RIMS2: variants seen among roughly 807,000 people sequenced by gnomAD.
RIMS2 encodes the protein regulating synaptic membrane exocytosis 2, also known as regulating synaptic membrane exocytosis protein 2.
RIMS2 carries 59 observed loss-of-function variants against 174.4 expected under a neutral mutation model. The ratio of observed to expected loss-of-function variants is 0.34; its 90% CI spans 0.27 to 0.42. RIMS2 has a LOEUF of 0.42. RIMS2 is among the 10% of genes least tolerant of loss of function. The pLI, the probability that RIMS2 is intolerant of heterozygous loss-of-function variation, is 1.00. For missense variants in RIMS2, 1,620 were observed against 1,666.3 expected, an observed-to-expected ratio of 0.97 and a Z score of 0.48; for synonymous variants, 606 against 572.5, an observed-to-expected ratio of 1.06 and a Z score of -0.84.
chr8:103,951,956 T>C (rs1308744268), intron 14 of RIMS2, among the ~76,000 whole-genome samples: 1 of 152,176 alleles, frequency 6.6e-6, no homozygotes, highest in East Asian at 1.9e-4. Flanking sequence ...AGTAGGCGGT[T>C]TCGACCTCAC....
chr8:104,177,960 A>G (rs1483454959), intron 19 of RIMS2, among the ~76,000 whole-genome samples: 1 of 152,118 alleles, frequency 6.6e-6, no homozygotes. Context: ...TTAATAAAGA[A>G]CTCTAATGAT....
chr8:103,795,438 T>TG (rs113172232), intron 3 of RIMS2, among the ~76,000 whole-genome samples: 1,520 of 31,630 alleles, frequency 0.048, 42 homozygotes, highest in African/African-American at 0.16. Flanking sequence ...TGTTGTGGGG[T>TG]GGGGGGAGGC....
At chr8:103,997,659 A>G (rs2095184063) in intron 17 of RIMS2, among the ~76,000 whole-genome samples, 1 of 151,814 alleles carries the variant, frequency 6.6e-6, no homozygotes, top group South Asian at 2.1e-4. Context: ...GCACCCAATA[A>G]ATTTAATAAA....
chr8:103,841,583 C>G (rs1338261008), intron 3 of RIMS2, among the ~76,000 whole-genome samples: 1 of 152,046 alleles, frequency 6.6e-6, no homozygotes. Context: ...ATCAGCTAGA[C>G]ATTTTACTCC....
chr8:104,105,911 G>A (rs964340818), intron 19 of RIMS2, among the ~76,000 whole-genome samples: 42 of 151,446 alleles, frequency 2.8e-4, no homozygotes, highest in Non-Finnish European at 1.2e-4. Context: ...ATGGTGGCAC[G>A]CACCAGTAGT....
rs1451355308 is a variant in RIMS2 at position 104,213,260 on chromosome 8, G to A, written c.3335-31656G>A. Among the ~76,000 whole-genome samples the A allele has an allele frequency of 5.3e-5, 8 of 152,142 alleles. No homozygotes were observed. The East Asian group carries it at 1.2e-3, about 22-fold the overall frequency. ...TGGAAGGCAGAGGTTGCAGTGAGCC[G>A]AGATCATGCCCCTGCACTCCAGCCT... On this transcript the variant is annotated intron_variant, in intron 19 of 23. Transcript: ENST00000504942.
At chr8:103,514,631 T>G (rs1003304130) in intron 1 of RIMS2, among the ~76,000 whole-genome samples, 11 of 152,210 alleles carry the variant, frequency 7.2e-5, no homozygotes, top group Non-Finnish European at 1.3e-4. Context: ...CAGGTTTATT[T>G]ATTTATCTTT....
intron 2 of RIMS2, among the ~76,000 whole-genome samples, chr8:103,721,541 T>C (rs1315954065): frequency 1.3e-5 from 2 of 152,230 alleles, no homozygotes; most frequent in African/African-American, 2.4e-5. Flanking sequence ...TCAGTTTGGC[T>C]GTGATAGAGT....
chr8:103,935,239 T>C (rs530981307), intron 12 of RIMS2, among the ~76,000 whole-genome samples: 1 of 152,358 alleles, frequency 6.6e-6, no homozygotes, highest in Non-Finnish European at 1.5e-5. Flanking sequence ...TTTCCATGTA[T>C]AGAGATAAAA....
exon 16 of RIMS2, chr8:103,975,368 G>A (rs773465807): frequency 1.1e-5 from 17 of 1,611,754 alleles, no homozygotes; most frequent in Admixed American, 5.0e-5. Flanking sequence ...CATGATGGTC[G>A]AGATCTTCAA....
At chr8:104,068,175 G>T (rs1598152270) in intron 19 of RIMS2, among the ~76,000 whole-genome samples, 1 of 152,198 alleles carries the variant, frequency 6.6e-6, no homozygotes, top group African/African-American at 2.4e-5. Context: ...GAGTTCACAT[G>T]ATATTATTAT....
intron 19 of RIMS2, 61 bp from the exon 24 acceptor site, chr8:104,093,410 A>AAAGG: frequency 1.7e-6 from 2 of 1,163,456 alleles, no homozygotes; most frequent in Non-Finnish European, 2.4e-6. Flanking sequence ...GGAGAAAGCT[A>AAAGG]ATAATTGCTT....
chr8:103,790,241 C>T (rs1191200105), intron 3 of RIMS2, among the ~76,000 whole-genome samples: 1 of 152,180 alleles, frequency 6.6e-6, no homozygotes, highest in Non-Finnish European at 1.5e-5. Flanking sequence ...AACTTGTGCC[C>T]ATTAGCAGTC....
At chr8:104,221,907 T>A (rs2099157195) in intron 19 of RIMS2, among the ~76,000 whole-genome samples, 2 of 152,196 alleles carry the variant, frequency 1.3e-5, no homozygotes, top group Non-Finnish European at 1.5e-5. Flanking sequence ...TGTCCTTCAC[T>A]CCTTCCCACT....
chr8:103,546,966 C>T (rs774959499), intron 1 of RIMS2, among the ~76,000 whole-genome samples: 10 of 150,744 alleles, frequency 6.6e-5, no homozygotes, highest in Non-Finnish European at 1.2e-4. Context: ...TTGAGTTATG[C>T]GGTGCCTCAC....
At chr8:103,636,438 T>C (rs2096075141) in intron 1 of RIMS2, among the ~76,000 whole-genome samples, 1 of 151,964 alleles carries the variant, frequency 6.6e-6, no homozygotes, top group Admixed American at 6.6e-5. Flanking sequence ...CCTGGTTGAG[T>C]GGGTTCACAA....
chr8:103,979,228 G>A (rs1036322002), intron 16 of RIMS2, among the ~76,000 whole-genome samples: 1 of 151,992 alleles, frequency 6.6e-6, no homozygotes, highest in Non-Finnish European at 1.5e-5. Context: ...TACCTTAAAG[G>A]GTATTCATCA....
rs187770017 is a variant in RIMS2, at chr8:103,690,678, T to A, written c.177-6408T>A. 4.9e-4 allele frequency among the ~76,000 whole-genome samples: 75 copies of A among 152,348 alleles called. 1 individual carries two copies. The Middle Eastern group carries it at 0.017, about 35-fold the overall frequency. ...GTGTCTATGTCTTAAAAAGTTTTTG[T>A]AGTTACTATTTTTGATGCATTCATC... On this transcript the variant is annotated intron_variant, in intron 1 of 23. Transcript: ENST00000504942.
At chr8:103,551,649 G>A (rs1847980355) in intron 1 of RIMS2, among the ~76,000 whole-genome samples, 1 of 152,146 alleles carries the variant, frequency 6.6e-6, no homozygotes, top group Non-Finnish European at 1.5e-5. Flanking sequence ...AGGAAAAGAA[G>A]AAGTCAAATT....
Sources: allele counts gnomAD v4.1 joint callset (sites outside exome capture counted in the v4.1 genomes callset), GRCh38; gene constraint gnomAD v4.1.1; transcripts MANE v1.5; gene names NCBI Gene and HGNC (gene_info 2026-07-23, HGNC 2026-07-21).